The following CACNG2 variants were observed in gnomAD, a reference collection of about 807,000 sequenced individuals.
CACNG2 encodes the protein calcium voltage-gated channel auxiliary subunit gamma 2.
CACNG2 carries 3 observed loss-of-function variants against 25.9 expected under a neutral mutation model. The ratio of observed to expected loss-of-function variants is 0.12; its 90% confidence interval spans 0.05 to 0.30. The LOEUF is 0.30. CACNG2 is among the 10% of genes least tolerant of loss of function. The pLI is 1.00. For synonymous variants in CACNG2, 167 were observed against 173.3 expected (o/e 0.96, Z 0.29); for missense variants, 341 against 432.5 (o/e 0.79, Z 1.88).
chr22:36,587,408 G>T (rs1935522220), intron 2 of CACNG2, 57 bp downstream of exon 2: 1 of 1,257,718 alleles, frequency 8.0e-7, no homozygotes, highest in Non-Finnish European at 1.2e-6. Flanking sequence ...CTCTGTGAAG[G>T]ATGGAAGGGC....
intron 1 of CACNG2, among the ~76,000 whole-genome samples, chr22:36,686,875 A>G (rs1937207020): frequency 6.6e-6 from 1 of 152,144 alleles, no homozygotes; most frequent in Non-Finnish European, 1.5e-5. Context: ...TCATTTTCCC[A>G]TAGCAACAGA....
chr22:36,633,681 G>C (rs946921330), intron 1 of CACNG2, among the ~76,000 whole-genome samples: 1 of 152,136 alleles, frequency 6.6e-6, no homozygotes, highest in Non-Finnish European at 1.5e-5. Context: ...CATTTTAAGA[G>C]CTTAATTTAC....
intron 1 of CACNG2, among the ~76,000 whole-genome samples, chr22:36,632,173 G>A (rs1027649832): frequency 6.6e-6 from 1 of 151,796 alleles, no homozygotes; most frequent in Non-Finnish European, 1.5e-5. Context: ...CCTATTTTCT[G>A]ACTTTTTTTT....
At chr22:36,650,627 C>T (rs1309003961) in intron 1 of CACNG2, among the ~76,000 whole-genome samples, 2 of 152,142 alleles carry the variant, frequency 1.3e-5, no homozygotes, top group South Asian at 2.1e-4. Context: ...TCCTCCCACC[C>T]TGGCCTCCCA....
chr22:36,688,932 C>T (rs1937236058), intron 1 of CACNG2, among the ~76,000 whole-genome samples: 1 of 152,164 alleles, frequency 6.6e-6, no homozygotes, highest in Non-Finnish European at 1.5e-5. Context: ...AGACCAAGTG[C>T]TCCACTCTCT....
chr22:36,569,030 G>C (rs1935179620), intron 2 of CACNG2, among the ~76,000 whole-genome samples: 1 of 151,918 alleles, frequency 6.6e-6, no homozygotes, highest in Admixed American at 6.6e-5. Context: ...TGATCCCCCA[G>C]CCCAAACACA....
chr22:36,693,543 C>T (rs1168959777), intron 1 of CACNG2, among the ~76,000 whole-genome samples: 3 of 152,168 alleles, frequency 2.0e-5, no homozygotes, highest in African/African-American at 7.2e-5. Flanking sequence ...TGTGATGATC[C>T]TACCTGGCTT....
Position 36,563,948 on chromosome 22 carries a change from T to G in CACNG2, c.*403A>C, listed in dbSNP as rs576619350. The G allele has an allele frequency of 6.5e-6, 1 of 154,734 alleles. No homozygotes were observed. The highest frequency in any genetic ancestry group is 1.4e-5 in the Non-Finnish European group (1 of 70,334). 9.6% of individuals were successfully genotyped at this position (154,734 alleles called of 1,614,324 possible). ...TTTTTTGCTTTAATGTTATCTTGGTTCCCTTTTATTTTTTCATTTAAATTG... is the reference window on the plus strand; with the variant it reads ...TTTTTTGCTTTAATGTTATCTTGGTGCCCTTTTATTTTTTCATTTAAATTG... On this transcript the variant is annotated 3_prime_UTR_variant, in exon 4 of 4. Coordinates refer to ENST00000300105, the MANE Select transcript of CACNG2 (RefSeq NM_006078.5).
At chr22:36,670,630 T>TTTTTGTTTGTTTG (rs113777902) in intron 1 of CACNG2, among the ~76,000 whole-genome samples, 46,545 of 151,190 alleles carry the variant, frequency 0.31, 7,636 homozygotes, top group African/African-American at 0.42. Flanking sequence ...TGTTTTTGTT[T>TTTTTGTTTGTTTG]TTTTGTTTTG....
At chr22:36,664,396 C>A (rs1441779564) in intron 1 of CACNG2, among the ~76,000 whole-genome samples, 2 of 152,234 alleles carry the variant, frequency 1.3e-5, no homozygotes, top group African/African-American at 4.8e-5. Context: ...ACAGGATGAG[C>A]AAGGTCCTTG....
At chr22:36,620,341 A>G (rs1936087572) in intron 1 of CACNG2, among the ~76,000 whole-genome samples, 1 of 152,230 alleles carries the variant, frequency 6.6e-6, no homozygotes, top group Non-Finnish European at 1.5e-5. Context: ...CAATTGAACG[A>G]CTTTCCACTA....
At chr22:36,700,671 G>A (rs959738566) in intron 1 of CACNG2, among the ~76,000 whole-genome samples, 2 of 152,168 alleles carry the variant, frequency 1.3e-5, no homozygotes, top group African/African-American at 4.8e-5. Context: ...CTGTATGAAA[G>A]GCTTTTCATT....
rs1448322395 is a variant in CACNG2 at position 36,563,291 on chromosome 22, G to C, written c.*1060C>G. ...GGGACTGGGGGGCTTATGAGTCAGG[G>C]GGTCCACCATCGCCCCAGGGTCATC... On this transcript the variant is annotated 3_prime_UTR_variant, in exon 4 of 4. Transcript: ENST00000300105. Among the ~76,000 whole-genome samples the C allele has an allele frequency of 6.6e-6, 1 of 152,092 alleles. No homozygotes were observed. The highest frequency in any genetic ancestry group is 2.4e-5 in the African/African-American group (1 of 41,418).
At chr22:36,619,797 GA>G (rs1396330934) in intron 1 of CACNG2, among the ~76,000 whole-genome samples, 2 of 152,238 alleles carry the variant, frequency 1.3e-5, no homozygotes, top group African/African-American at 2.4e-5. Flanking sequence ...CTGTGACAGA[GA>G]AGTTTAGTCT....
chr22:36,661,751 G>A (rs75891527), intron 1 of CACNG2, among the ~76,000 whole-genome samples: 2 of 152,096 alleles, frequency 1.3e-5, no homozygotes, highest in African/African-American at 4.8e-5. Context: ...TCTAGGATTG[G>A]AGGCAAGGTG....
chr22:36,629,847 C>T (rs953372929), intron 1 of CACNG2, among the ~76,000 whole-genome samples: 2 of 152,128 alleles, frequency 1.3e-5, no homozygotes, highest in African/African-American at 2.4e-5. Flanking sequence ...AGCAAGTAAA[C>T]AAATGAATCC....
chr22:36,605,453 T>A (rs563626178), intron 1 of CACNG2, among the ~76,000 whole-genome samples: 2 of 152,330 alleles, frequency 1.3e-5, no homozygotes, highest in South Asian at 4.1e-4. Context: ...TGTATTGTGG[T>A]GATCCAGAAC....
chr22:36,643,049 C>A (rs962400193), intron 1 of CACNG2, among the ~76,000 whole-genome samples: 18 of 147,722 alleles, frequency 1.2e-4, no homozygotes, highest in Non-Finnish European at 2.2e-4. Flanking sequence ...TTCTTCCTTC[C>A]TTCTTTCTCT....
rs1425959750 is a variant in CACNG2 at position 36,702,625 on chromosome 22, T to G, written c.-49A>C. 1.3e-6 allele frequency: 2 copies of G among 1,493,326 alleles called. No homozygotes were observed. The highest frequency in any genetic ancestry group is 1.4e-5 in the African/African-American group (1 of 72,094). 92.5% of individuals were successfully genotyped at this position (1,493,326 alleles called of 1,614,324 possible). On this transcript the variant is annotated 5_prime_UTR_variant, in exon 1 of 4. Coordinates refer to ENST00000300105, the MANE Select transcript of CACNG2 (RefSeq NM_006078.5). Reference sequence around the variant, plus strand: ...AACCGACTTCTGGTTCTCGGGAGAGTGTGTGTGAGGGTGCAAGTACTAAAG... The same window carrying G: ...AACCGACTTCTGGTTCTCGGGAGAGGGTGTGTGAGGGTGCAAGTACTAAAG...
Sources: allele counts gnomAD v4.1 joint callset (sites outside exome capture counted in the v4.1 genomes callset), GRCh38; gene constraint gnomAD v4.1.1; transcripts MANE v1.5; gene names NCBI Gene and HGNC (gene_info 2026-07-23, HGNC 2026-07-21).